The following ZNF469 variants were observed in gnomAD, a reference collection of about 807,000 sequenced individuals.
The protein encoded by ZNF469 is zinc finger protein 469.
ZNF469 carries 1 observed loss-of-function variant against 1.0 expected under a neutral mutation model. The ratio of observed to expected loss-of-function variants is 1.00; its 90% CI spans 0.35 to 4.73. The LOEUF is 4.73. Ranked by LOEUF, ZNF469 falls within the 30% of genes most tolerant of loss-of-function variation. The pLI is 0.16. For synonymous variants in ZNF469, 2,703 were observed against 2,363.4 expected, an observed-to-expected ratio of 1.14 and a Z score of -4.17; for missense variants, 6,100 against 5,356.3, an observed-to-expected ratio of 1.14 and a Z score of -4.33.
the ZNF469 span, among the ~76,000 whole-genome samples, chr16:88,299,113 G>T: frequency 1.3e-5 from 2 of 150,398 alleles, no homozygotes; most frequent in African/African-American, 4.9e-5. Context: ...GGCAGCTTGG[G>T]GTGGGGAGGG....
At chr16:88,134,081 G>C in the ZNF469 span, among the ~76,000 whole-genome samples, 1 of 145,434 alleles carries the variant, frequency 6.9e-6, no homozygotes. Flanking sequence ...CTGGGCAACA[G>C]AGCGAGTCTC....
the ZNF469 span, among the ~76,000 whole-genome samples, chr16:88,152,030 C>T: frequency 6.6e-6 from 1 of 152,218 alleles, no homozygotes; most frequent in African/African-American, 2.4e-5. The surrounding 1 kb of genome is among the most constrained non-coding windows in gnomAD (Gnocchi z 4.2). Context: ...ATGGAAACGC[C>T]TGCTTCTCAG....
the ZNF469 span, among the ~76,000 whole-genome samples, chr16:88,301,216 G>A: frequency 2.0e-5 from 3 of 151,572 alleles, no homozygotes; most frequent in East Asian, 3.9e-4. Context: ...GTGCAGTGGC[G>A]CCATCTCAGC....
At chr16:88,251,693 G>C in the ZNF469 span, among the ~76,000 whole-genome samples, 3 of 150,954 alleles carry the variant, frequency 2.0e-5, no homozygotes, top group Non-Finnish European at 4.4e-5. Context: ...TGAGTAGCTG[G>C]GACTATCAGT....
At chr16:88,399,247 T>C (rs1904786634) in intron 1 of ZNF469, among the ~76,000 whole-genome samples, 1 of 152,212 alleles carries the variant, frequency 6.6e-6, no homozygotes, top group South Asian at 2.1e-4. Flanking sequence ...CTCCCTCATG[T>C]GATGGCGAAG....
intron 1 of ZNF469, among the ~76,000 whole-genome samples, chr16:88,421,395 A>G: frequency 6.6e-6 from 1 of 152,178 alleles, no homozygotes; most frequent in Non-Finnish European, 1.5e-5. Context: ...GGTCCGGCCT[A>G]CTGAAACCCA....
the ZNF469 span, among the ~76,000 whole-genome samples, chr16:88,370,303 T>TTGTGG: frequency 2.0e-5 from 3 of 152,338 alleles, no homozygotes; most frequent in East Asian, 5.8e-4. Context: ...TGGGCATTTG[T>TTGTGG]GCAGATTGTT....
chr16:88,197,063 T>A, the ZNF469 span, among the ~76,000 whole-genome samples: 1 of 152,218 alleles, frequency 6.6e-6, no homozygotes, highest in African/African-American at 2.4e-5. Context: ...ACTGACCGTT[T>A]TCAGGGATGC....
chr16:88,225,870 G>A, the ZNF469 span, among the ~76,000 whole-genome samples: 8 of 152,190 alleles, frequency 5.3e-5, no homozygotes, highest in African/African-American at 2.4e-5. Flanking sequence ...ACTTAGTCTC[G>A]GGTGTTTTGT....
chr16:88,198,801 A>G, the ZNF469 span, among the ~76,000 whole-genome samples: 1 of 152,210 alleles, frequency 6.6e-6, no homozygotes, highest in African/African-American at 2.4e-5. Flanking sequence ...TTTATTAAAA[A>G]GAGAGCGATG....
intron 1 of ZNF469, among the ~76,000 whole-genome samples, chr16:88,396,651 CGGAGACCCTCCTGAAGGGAGGCCGGGA>C (rs1567500080): frequency 1.9e-5 from 1 of 53,574 alleles, no homozygotes; most frequent in Non-Finnish European, 3.7e-5. Flanking sequence ...GGAGGCCGGG[CGGAGACCCTCCTGAAGGGAGGCCGGGA>C]GGAGACCCGT....
At chr16:88,216,826 T>C in the ZNF469 span, among the ~76,000 whole-genome samples, 1 of 152,156 alleles carries the variant, frequency 6.6e-6, no homozygotes. Context: ...ATATTTTTTA[T>C]TATTTTTTTC....
the ZNF469 span, among the ~76,000 whole-genome samples, chr16:88,312,817 C>T: frequency 2.0e-5 from 3 of 152,224 alleles, no homozygotes; most frequent in Non-Finnish European, 4.4e-5. Context: ...CATCTTCATA[C>T]CAGCCCCAAA....
chr16:88,155,865 C>G, the ZNF469 span, among the ~76,000 whole-genome samples: 3 of 152,212 alleles, frequency 2.0e-5, no homozygotes, highest in African/African-American at 7.2e-5. Context: ...GACGTTCCCA[C>G]TAGCAGTGCA....
chr16:88,142,400 C>T, the ZNF469 span, among the ~76,000 whole-genome samples: 8 of 152,274 alleles, frequency 5.3e-5, no homozygotes, highest in African/African-American at 1.2e-4. Context: ...CAGAATCCTG[C>T]GAGGGTTATC....
At chr16:88,223,034 A>T in the ZNF469 span, among the ~76,000 whole-genome samples, 3 of 152,198 alleles carry the variant, frequency 2.0e-5, no homozygotes, top group African/African-American at 7.2e-5. Context: ...AAGGGTAAAA[A>T]CCTGAAGCAT....
the ZNF469 span, among the ~76,000 whole-genome samples, chr16:88,172,859 A>T: frequency 6.6e-6 from 1 of 152,230 alleles, no homozygotes; most frequent in East Asian, 1.9e-4. Context: ...AGAAGAAAAG[A>T]TCATTGAGTC....
the ZNF469 span, among the ~76,000 whole-genome samples, chr16:88,122,371 C>T: frequency 6.6e-6 from 1 of 151,246 alleles, no homozygotes; most frequent in East Asian, 2.0e-4. Context: ...CCCACTATGG[C>T]CACAGCAGTC....
chr16:88,136,854 A>G, the ZNF469 span, among the ~76,000 whole-genome samples: 1 of 152,226 alleles, frequency 6.6e-6, no homozygotes, highest in African/African-American at 2.4e-5. Context: ...CTGAGTGATG[A>G]CTGTGGAGGG....
Sources: allele counts gnomAD v4.1 joint callset (sites outside exome capture counted in the v4.1 genomes callset), GRCh38; gene constraint gnomAD v4.1.1; non-coding constraint Gnocchi (gnomAD v3.1); transcripts MANE v1.5; gene names NCBI Gene and HGNC (gene_info 2026-07-23, HGNC 2026-07-21).